Variants in SLC35D1 observed in about 807,000 individuals in gnomAD.
SLC35D1 encodes the protein nucleotide sugar transporter SLC35D1.
SLC35D1 carries 31 observed loss-of-function variants against 46.7 expected under a neutral mutation model. That is an observed-to-expected ratio of 0.66 (90% CI 0.50 to 0.90). The LOEUF is 0.90. Ranked by LOEUF, SLC35D1 falls within the 40% of genes least tolerant of loss-of-function variation. The probability of loss-of-function intolerance (pLI) is 0.00; values close to 1 mark genes in which losing one functional copy is unlikely to be tolerated. For missense variants in SLC35D1, 397 were observed against 426.2 expected (o/e 0.93, Z 0.60); for synonymous variants, 195 against 164.6 (o/e 1.18, Z -1.41).
intron 8 of SLC35D1, among the ~76,000 whole-genome samples, chr1:67,036,045 T>A (rs1668117208): frequency 6.6e-6 from 1 of 152,166 alleles, no homozygotes; most frequent in Admixed American, 6.5e-5. Flanking sequence ...TCAGAGAAGA[T>A]GCTGGATATT....
chr1:66,981,862 G>A, the SLC35D1 span: 2 of 1,614,044 alleles, frequency 1.2e-6, no homozygotes, highest in East Asian at 2.2e-5. Context: ...GCATCAAACA[G>A]TAGTAACAGC....
At chr1:66,989,790 G>A in the SLC35D1 span, among the ~76,000 whole-genome samples, 3 of 152,136 alleles carry the variant, frequency 2.0e-5, no homozygotes, top group Non-Finnish European at 2.9e-5. Context: ...GAAAACATAC[G>A]GGCCTTAAAT....
At chr1:67,052,339 C>T (rs1346205019) in intron 3 of SLC35D1, among the ~76,000 whole-genome samples, 2 of 152,088 alleles carry the variant, frequency 1.3e-5, no homozygotes, top group Admixed American at 6.5e-5. Flanking sequence ...GAGACAGAAA[C>T]ATCATTTGCT....
chr1:67,032,186 C>T, intron 8 of SLC35D1: 1 of 681,274 alleles, frequency 1.5e-6, no homozygotes, highest in Non-Finnish European at 1.8e-6. Context: ...CTACAGGTGC[C>T]AGTATAATGT....
chr1:67,015,816 G>T (rs1243689460), intron 10 of SLC35D1, among the ~76,000 whole-genome samples: 2 of 152,106 alleles, frequency 1.3e-5, no homozygotes, highest in Admixed American at 6.6e-5. Context: ...TATGACTCAT[G>T]GTATCTTTAT....
downstream of SLC35D1, among the ~76,000 whole-genome samples, chr1:66,997,513 A>ATAT (rs1553262600): frequency 3.0e-5 from 1 of 33,898 alleles, no homozygotes; most frequent in Non-Finnish European, 6.9e-5. Flanking sequence ...AAAAAAAAAA[A>ATAT]AAAAAAATAT....
chr1:66,985,909 T>G, the SLC35D1 span: 1 of 980,540 alleles, frequency 1.0e-6, no homozygotes, highest in African/African-American at 1.7e-5. Flanking sequence ...CAGTTTGTTT[T>G]GCATTTGCTA....
chr1:67,052,540 G>C (rs1645320827), intron 3 of SLC35D1, among the ~76,000 whole-genome samples: 1 of 152,116 alleles, frequency 6.6e-6, no homozygotes, highest in African/African-American at 2.4e-5. Context: ...CAACAAGTGT[G>C]CATTAATTAA....
In SLC35D1 at chr1:67,053,901, G is replaced by C; in HGVS notation, c.113C>G (p.Thr38Ser). Residue 38 changes from threonine to serine, a missense_variant, in exon 1 of 12, where the codon ACC becomes AGC. Thr to Ser is a moderately conservative substitution (Grantham distance 58). Coordinates refer to ENST00000235345, the MANE Select transcript of SLC35D1 (RefSeq NM_015139.3). ...ELGMASAETLTVFLKLLAAGF... is the reference protein window; with the variant it reads ...ELGMASAETLSVFLKLLAAGF... Reference sequence around the variant, plus strand: ...GGCGGCCAGCAGCTTCAGAAACACGGTCAGCGTTTCGGCCGACGCCATCCC... The same window carrying C: ...GGCGGCCAGCAGCTTCAGAAACACGCTCAGCGTTTCGGCCGACGCCATCCC... 1.2e-6 allele frequency: 2 copies of C among 1,613,828 alleles called. No homozygotes were observed. Among genetic ancestry groups the C allele is most frequent in the Non-Finnish European group, 1.7e-6 (2 of 1,179,764 alleles).
the SLC35D1 span, among the ~76,000 whole-genome samples, chr1:66,979,096 T>G: frequency 6.6e-6 from 1 of 151,670 alleles, no homozygotes; most frequent in Admixed American, 6.6e-5. Flanking sequence ...CCCACTGGGT[T>G]GTTTTTTTTT....
chr1:67,040,320 C>CA (rs1668216045), intron 8 of SLC35D1, among the ~76,000 whole-genome samples: 1 of 152,140 alleles, frequency 6.6e-6, no homozygotes, highest in Admixed American at 6.5e-5. Context: ...AAGGACTTGT[C>CA]ACTACCTGCA....
chr1:66,985,494 T>C, the SLC35D1 span: 1 of 982,900 alleles, frequency 1.0e-6, no homozygotes, highest in South Asian at 4.7e-5. Flanking sequence ...TATGTAAAAT[T>C]GTTGACATCA....
chr1:66,978,065 G>A, the SLC35D1 span, among the ~76,000 whole-genome samples: 1 of 151,890 alleles, frequency 6.6e-6, no homozygotes. Flanking sequence ...ATGTGGTGGT[G>A]CACGCCTATA....
At chr1:67,010,679 C>T (rs1558150659) in intron 10 of SLC35D1, among the ~76,000 whole-genome samples, 1 of 152,022 alleles carries the variant, frequency 6.6e-6, no homozygotes, top group African/African-American at 2.4e-5. Flanking sequence ...TTAAAAAATC[C>T]AAATGCCTCA....
intron 2 of SLC35D1, 42 bp from the exon 3 acceptor site, chr1:67,052,899 G>A: frequency 6.2e-7 from 1 of 1,613,818 alleles, no homozygotes; most frequent in Non-Finnish European, 8.5e-7. Context: ...TACACATAAA[G>A]ACACACACAG....
chr1:67,009,896 G>A (rs1449922763), intron 10 of SLC35D1, among the ~76,000 whole-genome samples: 1 of 152,192 alleles, frequency 6.6e-6, no homozygotes, highest in Non-Finnish European at 1.5e-5. Context: ...TATGTTCACT[G>A]CAGCATGATT....
intron 10 of SLC35D1, among the ~76,000 whole-genome samples, chr1:67,019,835 G>C (rs547498081): frequency 6.6e-6 from 1 of 152,314 alleles, no homozygotes; most frequent in Non-Finnish European, 1.5e-5. Flanking sequence ...AGTCAACTTG[G>C]CTCTCCTGGC....
intron 11 of SLC35D1, among the ~76,000 whole-genome samples, chr1:67,007,362 T>C (rs564298061): frequency 4.2e-4 from 64 of 152,232 alleles, no homozygotes; most frequent in Admixed American, 2.4e-3. Flanking sequence ...ATCTCATTCA[T>C]GAGGATGCCA....
At position 67,049,847 on chromosome 1, in the gene SLC35D1, C is replaced by T. The variant is rs773985722; in HGVS notation, c.468G>A (p.Lys156=). 2.5e-6 allele frequency: 4 copies of T among 1,612,770 alleles called. No individual in the cohort carries two copies. Among genetic ancestry groups the T allele is most frequent in the Non-Finnish European group, 3.4e-6 (4 of 1,179,262 alleles). The change falls in exon 6 of 12, where the codon AAG becomes AAA. Residue 156 remains lysine (K), a synonymous_variant. Transcript: ENST00000235345. ...TMFAEGVLLK[K]TFSWGIKMTV... is the part of the protein sequence containing the mutation. The stretch of plus-strand genomic sequence containing the variant: ...TCATTTTAATACCCCAAGAAAAAGT[C>T]TTCCTACAAAACAAAAAATTTTAAA...
Sources: gnomAD v4.1 joint callset for allele counts (sites outside exome capture counted in the v4.1 genomes callset) on GRCh38, gnomAD v4.1.1 for gene constraint, MANE v1.5 for transcripts, NCBI Gene and HGNC (gene_info 2026-07-23, HGNC 2026-07-21) for gene names.